MYBPC1: variants seen among roughly 807,000 people sequenced by gnomAD.
The protein encoded by MYBPC1 is myosin binding protein C1, also known as myosin-binding protein C, slow-type.
MYBPC1 carries 52 observed loss-of-function variants against 147.1 expected under a neutral mutation model. The observed-to-expected ratio is 0.35, with a 90% CI of 0.28 to 0.45. The LOEUF is 0.45. Ranked by LOEUF, MYBPC1 falls within the 20% of genes least tolerant of loss-of-function variation. MYBPC1 has a pLI of 1.00. For synonymous variants in MYBPC1, 477 were observed against 475.9 expected (o/e 1.00, Z -0.03); for missense variants, 1,228 against 1,440.3 (o/e 0.85, Z 2.39).
intron 1 of MYBPC1, among the ~76,000 whole-genome samples, chr12:101,611,255 C>G (rs1884190373): frequency 6.6e-6 from 1 of 152,178 alleles, no homozygotes; most frequent in African/African-American, 2.4e-5. Flanking sequence ...TATTCATGAC[C>G]AATATTTTGT....
chr12:101,613,367 T>C (rs1884949315), intron 1 of MYBPC1, among the ~76,000 whole-genome samples: 1 of 152,220 alleles, frequency 6.6e-6, no homozygotes, highest in African/African-American at 2.4e-5. Flanking sequence ...GAAAAAAATG[T>C]GGAAAATCCC....
rs755384924 is a variant in MYBPC1 at position 101,680,370 on chromosome 12, G to A, written c.3274G>A (p.Val1092Ile). 6.5e-5 allele frequency: 105 copies of A among 1,613,902 alleles called. No individual in the cohort carries two copies. The South Asian group carries it at 1.0e-3, about 16-fold the overall frequency. The part of the protein sequence containing the change: ...KPKITWMKNK[V>I]AIVDDPRYRM... ...TAAAATAACCTGGATGAAAAACAAAGTTGCTATTGTGGATGATCCAAGATA... is the reference window on the plus strand; with the variant it reads ...TAAAATAACCTGGATGAAAAACAAAATTGCTATTGTGGATGATCCAAGATA... The change falls in exon 29 of 32, where the codon GTT (valine) becomes ATT (isoleucine). Residue 1092 changes from valine (V) to isoleucine (I), a missense_variant. By Grantham distance (29) the Val-to-Ile change is conservative. Around this residue, in one of 2 missense-constraint regions of MYBPC1, gnomAD observed 1,077 missense variants for 1,314.2 expected, o/e 0.82. Coordinates refer to ENST00000361466, the MANE Select transcript of MYBPC1 (RefSeq NM_002465.4).
intron 5 of MYBPC1, chr12:101,629,099 G>A (rs1430885864): frequency 2.7e-6 from 1 of 366,976 alleles, no homozygotes; most frequent in Non-Finnish European, 5.3e-6. Flanking sequence ...GAATACACTG[G>A]CCACCATTGT....
chr12:101,656,717 G>A (rs1383052058), intron 18 of MYBPC1, among the ~76,000 whole-genome samples: 1 of 151,962 alleles, frequency 6.6e-6, no homozygotes, highest in East Asian at 1.9e-4. Flanking sequence ...CTGATAGAAC[G>A]GCAATGAAAA....
At chr12:101,663,642 T>G in intron 22 of MYBPC1, 82 bp downstream of exon 22, 3 of 1,456,886 alleles carry the variant, frequency 2.1e-6, no homozygotes, top group Non-Finnish European at 2.8e-6. Context: ...CTCTCTTTCT[T>G]GAGAACGCAT....
intron 18 of MYBPC1, among the ~76,000 whole-genome samples, chr12:101,656,113 A>G (rs147363375): frequency 2.9e-4 from 44 of 152,272 alleles, no homozygotes; most frequent in African/African-American, 9.6e-4. Flanking sequence ...GTGTTGTTTG[A>G]AAGTGGAGTT....
chr12:101,653,158 A>C lies in MYBPC1; in HGVS notation c.1677A>C (p.Thr559=), dbSNP rs770641800. The C allele has an allele frequency of 1.4e-5, 23 of 1,614,102 alleles. No homozygotes were observed. The Admixed American group carries it at 3.8e-4, about 27-fold the overall frequency. Residue 559 remains threonine (T), a synonymous_variant, in exon 18 of 32, where the codon ACA becomes ACC. Coordinates refer to ENST00000361466, the MANE Select transcript of MYBPC1 (RefSeq NM_002465.4). ...IILDGLDADN[T]VTVIAGNKLR... ...TGGATGGTCTTGATGCTGACAACAC[A>C]GTGACAGTGATTGCAGGAAACAAGC...
At chr12:101,692,969 C>T in the MYBPC1 span, among the ~76,000 whole-genome samples, 7 of 118,228 alleles carry the variant, frequency 5.9e-5, no homozygotes, top group East Asian at 2.6e-4. Flanking sequence ...TTTTTTGAGA[C>T]GGAGTCTTGC....
At chr12:101,606,625 A>G (rs974393210) in intron 1 of MYBPC1, among the ~76,000 whole-genome samples, 2 of 152,090 alleles carry the variant, frequency 1.3e-5, no homozygotes, top group African/African-American at 2.4e-5. Context: ...AAAGTATGTA[A>G]TTCTGTTAAA....
rs114155105 is a variant in MYBPC1 at position 101,631,262 on chromosome 12, T to C, written c.290-309T>C. Among the ~76,000 whole-genome samples, 866 of 152,296 alleles carry C rather than the reference T, an allele frequency of 5.7e-3. 6 individuals are homozygous for C. The highest frequency in any genetic ancestry group is 0.019 in the African/African-American group (807 of 41,554). ...AATAAAAGTTCACATATATCATACA[T>C]ATCCATATATGTCCATATATATGAA... On this transcript the variant is annotated intron_variant, in intron 6 of 31. Coordinates refer to ENST00000361466, the MANE Select transcript of MYBPC1 (RefSeq NM_002465.4).
intron 18 of MYBPC1, among the ~76,000 whole-genome samples, chr12:101,654,868 C>T (rs1229579282): frequency 6.6e-6 from 1 of 152,188 alleles, no homozygotes; most frequent in Non-Finnish European, 1.5e-5. Flanking sequence ...TGAGCACTGT[C>T]ATGGACCCAC....
chr12:101,680,337 CT>C lies in MYBPC1; in HGVS notation c.3247-4del, dbSNP rs764982043. Reference sequence around the variant, plus strand: ...TTGACCTAAGTTTCTTCAATTTGAACTTCAGCCTAAAATAACCTGGATGAAA... The same window carrying C: ...TTGACCTAAGTTTCTTCAATTTGAACTCAGCCTAAAATAACCTGGATGAAA... On this transcript the variant is annotated splice_region_variant and splice_polypyrimidine_tract_variant and intron_variant, in intron 28 of 31. Coordinates refer to ENST00000361466, the MANE Select transcript of MYBPC1 (RefSeq NM_002465.4). 84 of 1,613,270 alleles carry C rather than the reference CT, an allele frequency of 5.2e-5. No homozygotes were observed. The highest frequency in any genetic ancestry group is 7.0e-5 in the Non-Finnish European group (83 of 1,179,630).
At chr12:101,656,430 C>T (rs1895551170) in intron 18 of MYBPC1, among the ~76,000 whole-genome samples, 1 of 151,952 alleles carries the variant, frequency 6.6e-6, no homozygotes. Context: ...AAAAACATGA[C>T]CCAAAGATAT....
At chr12:101,659,562 C>G in intron 18 of MYBPC1, 110 bp from the exon 19 acceptor site, 1 of 1,106,442 alleles carries the variant, frequency 9.0e-7, no homozygotes, top group Non-Finnish European at 1.4e-6. Flanking sequence ...ACTATATAAT[C>G]TATACACTAT....
At position 101,628,133 on chromosome 12, in the gene MYBPC1, A is replaced by G. The variant is rs974252555; in HGVS notation, c.178+329A>G. The G allele has an allele frequency of 7.9e-5, 26 of 330,146 alleles. No individual in the cohort carries two copies. In the Admixed American group the frequency reaches 1.0e-3, roughly 13 times the overall value. The allele number at this position is 330,146 out of a possible 1,614,324, so 20.5% of individuals were successfully genotyped here. On this transcript the variant is annotated intron_variant, in intron 5 of 31. Transcript: ENST00000361466. ...TTCACATTTTTATAGAACTTTACATACAGATAATAAAACATTTTCAAATGC... is the reference window on the plus strand; with the variant it reads ...TTCACATTTTTATAGAACTTTACATGCAGATAATAAAACATTTTCAAATGC...
At chr12:101,666,956 G>A (rs1298389791) in intron 22 of MYBPC1, among the ~76,000 whole-genome samples, 3 of 150,968 alleles carry the variant, frequency 2.0e-5, no homozygotes, top group Non-Finnish European at 4.4e-5. Context: ...CTTAGAGATG[G>A]GGGAGAGGGA....
Position 101,648,040 on chromosome 12 carries a change from AC to A in MYBPC1, c.1091-4del, listed in dbSNP as rs1227270994. ...TGATTCTGATTTCCCCTTTTTGTAT[AC>A]TAGAGCCTCCAATTATGGTGACCAA... On this transcript the variant is annotated splice_region_variant and splice_polypyrimidine_tract_variant and intron_variant, in intron 13 of 31. Transcript: ENST00000361466. The A allele has an allele frequency of 6.2e-7, 1 of 1,600,584 alleles. No individual in the cohort carries two copies. Among genetic ancestry groups the A allele is most frequent in the Non-Finnish European group, 8.6e-7 (1 of 1,168,070 alleles).
chr12:101,633,936 A>G (rs971651772), intron 8 of MYBPC1, among the ~76,000 whole-genome samples: 9 of 146,388 alleles, frequency 6.1e-5, no homozygotes, highest in Non-Finnish European at 1.0e-4. Context: ...CCTCTCTGTC[A>G]CCCAGGCTGG....
chr12:101,656,103 G>A (rs2136354913), intron 18 of MYBPC1, among the ~76,000 whole-genome samples: 1 of 152,220 alleles, frequency 6.6e-6, no homozygotes, highest in East Asian at 1.9e-4. Context: ...AACCACTGTA[G>A]TGTTGTTTGA....
Sources: allele counts gnomAD v4.1 joint callset (sites outside exome capture counted in the v4.1 genomes callset), GRCh38; gene constraint gnomAD v4.1.1; regional missense constraint gnomAD v4.1.1; transcripts MANE v1.5; gene names NCBI Gene and HGNC (gene_info 2026-07-23, HGNC 2026-07-21).